The following TMEM132D variants were observed in gnomAD, a reference collection of about 807,000 sequenced individuals.
The protein encoded by TMEM132D is transmembrane protein 132D, also known as mature OL transmembrane protein.
TMEM132D carries 21 observed loss-of-function variants against 62.3 expected under a neutral mutation model. The observed-to-expected ratio is 0.34, with a 90% CI of 0.24 to 0.49. The LOEUF (loss-of-function observed/expected upper bound fraction) is 0.49. Among genes scored for constraint, TMEM132D ranks in the 20% least tolerant of loss-of-function variants. The probability of loss-of-function intolerance (pLI) is 0.99; values close to 1 mark genes in which losing one functional copy is unlikely to be tolerated. For synonymous variants in TMEM132D, 621 were observed against 575.6 expected (o/e 1.08, Z -1.13); for missense variants, 1,346 against 1,402.8 (o/e 0.96, Z 0.65).
At chr12:129,506,737 A>G (rs1046486459) in intron 3 of TMEM132D, among the ~76,000 whole-genome samples, 1 of 152,176 alleles carries the variant, frequency 6.6e-6, no homozygotes, top group Non-Finnish European at 1.5e-5. Context: ...TAAATCTAAG[A>G]CCTGGAACTA....
At chr12:129,125,767 C>T (rs781399190) in intron 5 of TMEM132D, among the ~76,000 whole-genome samples, 7 of 151,892 alleles carry the variant, frequency 4.6e-5, no homozygotes, top group Non-Finnish European at 8.8e-5. Flanking sequence ...CCTCCCAAAG[C>T]GCACTGTGAA....
At chr12:129,797,432 G>A (rs779185986) in intron 1 of TMEM132D, among the ~76,000 whole-genome samples, 8 of 152,240 alleles carry the variant, frequency 5.3e-5, no homozygotes, top group Non-Finnish European at 1.0e-4. Flanking sequence ...AGAGCATGCA[G>A]TTTGCAGGGA....
At position 129,760,432 on chromosome 12, in the gene TMEM132D, C is replaced by T. The variant is rs548467675; in HGVS notation, c.80-59734G>A. On this transcript the variant is annotated intron_variant, in intron 1 of 8. Coordinates refer to ENST00000422113, the MANE Select transcript of TMEM132D (RefSeq NM_133448.3). ...CTGCAAGCTCCGCCTCCCGGGTTCA[C>T]GCCACTCTCCTTCCTCAGCCTCCTG... Among the ~76,000 whole-genome samples the T allele has an allele frequency of 3.4e-5, 5 of 147,120 alleles. No individual in the cohort carries two copies. In the South Asian group the frequency reaches 1.1e-3, roughly 33 times the overall value.
At chr12:129,254,048 C>G (rs1880339545) in intron 4 of TMEM132D, among the ~76,000 whole-genome samples, 1 of 152,178 alleles carries the variant, frequency 6.6e-6, no homozygotes, top group South Asian at 2.1e-4. Context: ...CTTGGTGTAT[C>G]AATAGAACCA....
chr12:129,794,401 C>G (rs956986783), intron 1 of TMEM132D, among the ~76,000 whole-genome samples: 3 of 151,924 alleles, frequency 2.0e-5, no homozygotes, highest in African/African-American at 7.3e-5. Flanking sequence ...CACACCCAGC[C>G]TTTAGTGTGT....
intron 2 of TMEM132D, among the ~76,000 whole-genome samples, chr12:129,695,368 G>A (rs1201521846): frequency 6.6e-6 from 1 of 152,176 alleles, no homozygotes; most frequent in Non-Finnish European, 1.5e-5. Context: ...GAAACTAGCG[G>A]GGACATATGG....
chr12:129,178,861 T>A (rs150060254), intron 5 of TMEM132D, among the ~76,000 whole-genome samples: 1 of 152,336 alleles, frequency 6.6e-6, no homozygotes, highest in East Asian at 1.9e-4. Context: ...GCCAGGTGGC[T>A]GCTGTGGGTC....
chr12:129,087,981 G>C (rs1874696479), intron 5 of TMEM132D, among the ~76,000 whole-genome samples: 1 of 112,868 alleles, frequency 8.9e-6, no homozygotes, highest in Non-Finnish European at 1.9e-5. Flanking sequence ...CCATGACCGG[G>C]TGTCCTCCAT....
chr12:129,367,156 T>C (rs575459444), intron 3 of TMEM132D, among the ~76,000 whole-genome samples: 6 of 152,304 alleles, frequency 3.9e-5, no homozygotes, highest in African/African-American at 7.2e-5. Context: ...GGACAAAACA[T>C]GGTGCTGAAG....
rs928034808 is a variant in TMEM132D at position 129,219,067 on chromosome 12, T to C, written c.1300-9404A>G. Among the ~76,000 whole-genome samples the C allele has an allele frequency of 3.3e-5, 5 of 152,250 alleles. No individual in the cohort carries two copies. In the East Asian group the frequency reaches 5.8e-4, roughly 18 times the overall value. ...GTCAGAAAAACCCTGGAGCAAAACA[T>C]GGAAAGATGTCCATAATGCCTGGAG... On this transcript the variant is annotated intron_variant, in intron 4 of 8. Coordinates refer to ENST00000422113, the MANE Select transcript of TMEM132D (RefSeq NM_133448.3).
intron 4 of TMEM132D, among the ~76,000 whole-genome samples, chr12:129,328,145 G>A (rs1213358329): frequency 6.6e-6 from 1 of 152,214 alleles, no homozygotes; most frequent in Non-Finnish European, 1.5e-5. Context: ...AACCTAGTCT[G>A]AAAGAGCACA....
At chr12:129,175,192 G>GT (rs1490519614) in intron 5 of TMEM132D, among the ~76,000 whole-genome samples, 1 of 140,740 alleles carries the variant, frequency 7.1e-6, no homozygotes, top group Non-Finnish European at 1.5e-5. Context: ...TTCTTCTAGG[G>GT]TTTTTATGGT....
chr12:129,631,675 G>T (rs1879348868), intron 2 of TMEM132D, among the ~76,000 whole-genome samples: 1 of 152,198 alleles, frequency 6.6e-6, no homozygotes, highest in East Asian at 1.9e-4. Flanking sequence ...GCTGGGAAAG[G>T]ATCACCTAGA....
At chr12:129,382,439 T>C (rs1257562326) in intron 3 of TMEM132D, among the ~76,000 whole-genome samples, 1 of 152,240 alleles carries the variant, frequency 6.6e-6, no homozygotes, top group Non-Finnish European at 1.5e-5. Context: ...TTGTCCTTCA[T>C]ATTGAAAGAC....
intron 3 of TMEM132D, among the ~76,000 whole-genome samples, chr12:129,461,144 T>C (rs1212974862): frequency 6.6e-6 from 1 of 151,488 alleles, no homozygotes; most frequent in East Asian, 1.9e-4. Context: ...CTAGAAAGAG[T>C]AGAGGTGCAG....
intron 1 of TMEM132D, among the ~76,000 whole-genome samples, chr12:129,770,192 G>A (rs1870695118): frequency 7.3e-6 from 1 of 137,408 alleles, no homozygotes; most frequent in Non-Finnish European, 1.5e-5. Flanking sequence ...CACTCAGGCT[G>A]GAGTGCAGTG....
chr12:129,389,375 A>T (rs1034322573), intron 3 of TMEM132D, among the ~76,000 whole-genome samples: 9 of 152,168 alleles, frequency 5.9e-5, no homozygotes, highest in Non-Finnish European at 1.2e-4. Context: ...TACTAACAGT[A>T]ATACTATGTG....
intron 2 of TMEM132D, among the ~76,000 whole-genome samples, chr12:129,656,488 A>G (rs1880082657): frequency 6.6e-6 from 1 of 152,198 alleles, no homozygotes; most frequent in Admixed American, 6.5e-5. Context: ...GTCTCAGGAC[A>G]CAGAGCTCGC....
chr12:129,236,101 ATT>A (rs1491387677), intron 4 of TMEM132D, among the ~76,000 whole-genome samples: 1 of 79,194 alleles, frequency 1.3e-5, no homozygotes, highest in African/African-American at 3.8e-5. Context: ...TTATGATGCT[ATT>A]TTGTGTGTGT....
Sources: gnomAD v4.1 joint callset for allele counts (sites outside exome capture counted in the v4.1 genomes callset) on GRCh38, gnomAD v4.1.1 for gene constraint, MANE v1.5 for transcripts, NCBI Gene and HGNC (gene_info 2026-07-23, HGNC 2026-07-21) for gene names.